TBC1D8: variants seen among roughly 807,000 people sequenced by gnomAD.
TBC1D8 encodes TBC1 domain family member 8, also known as BUB2-like protein 1.
Under a neutral mutation model 118.8 loss-of-function variants are expected in TBC1D8, and 65 were observed. The observed-to-expected ratio is 0.55, with a 90% CI of 0.45 to 0.67. The LOEUF (loss-of-function observed/expected upper bound fraction) is 0.67, where lower values mean the gene tolerates loss of function less well. TBC1D8 is among the 30% of genes least tolerant of loss of function. The pLI, the probability that TBC1D8 is intolerant of heterozygous loss-of-function variation, is 0.00. For synonymous variants in TBC1D8, 566 were observed against 595.8 expected (o/e 0.95, Z 0.73); for missense variants, 1,376 against 1,471.2 (o/e 0.94, Z 1.06).
intron 2 of TBC1D8, among the ~76,000 whole-genome samples, chr2:101,061,631 G>C (rs1250998634): frequency 6.6e-6 from 1 of 152,122 alleles, no homozygotes; most frequent in Non-Finnish European, 1.5e-5. Flanking sequence ...CCTACACCAA[G>C]AGCACTTAGT....
At chr2:101,015,849 T>C (rs1217178844) in intron 17 of TBC1D8, among the ~76,000 whole-genome samples, 5 of 152,108 alleles carry the variant, frequency 3.3e-5, no homozygotes, top group African/African-American at 9.6e-5. Context: ...ATAAATGGTG[T>C]TGGGAAAACT....
chr2:101,023,203 G>A (rs529899123), intron 15 of TBC1D8, among the ~76,000 whole-genome samples: 9 of 148,932 alleles, frequency 6.0e-5, no homozygotes, highest in African/African-American at 2.2e-4. Flanking sequence ...GGAGTGCAGT[G>A]GCGCGATCTC....
At chr2:101,037,739 A>AGAGAG in intron 7 of TBC1D8, 31 bp from the exon 8 acceptor site, 1 of 1,608,498 alleles carries the variant, frequency 6.2e-7, no homozygotes, top group Non-Finnish European at 8.5e-7. Flanking sequence ...AGACAGAGAG[A>AGAGAG]GAGAGGAGAG....
chr2:101,050,676 A>G (rs990367800), intron 4 of TBC1D8, 35 bp from the exon 5 acceptor site: 4 of 1,596,960 alleles, frequency 2.5e-6, no homozygotes, highest in South Asian at 1.1e-5. Context: ...CTATTATGCC[A>G]TGAAATTTGA....
intron 5 of TBC1D8, among the ~76,000 whole-genome samples, chr2:101,044,038 G>A (rs1558648939): frequency 1.3e-5 from 2 of 152,166 alleles, no homozygotes; most frequent in African/African-American, 4.8e-5. Context: ...AGTTCAATCG[G>A]CTTCTCTCTC....
chr2:101,131,659 G>A (rs1678595359), intron 1 of TBC1D8, among the ~76,000 whole-genome samples: 1 of 146,144 alleles, frequency 6.8e-6, no homozygotes, highest in African/African-American at 2.5e-5. Flanking sequence ...CTAAAAATAC[G>A]AAAAAATTAG....
intron 1 of TBC1D8, among the ~76,000 whole-genome samples, chr2:101,095,803 A>G (rs1001308852): frequency 5.9e-5 from 9 of 152,050 alleles, no homozygotes; most frequent in Non-Finnish European, 1.2e-4. Context: ...TTAACTAGAG[A>G]AAGTCTTCTC....
At chr2:101,136,369 T>G (rs1678855073) in intron 1 of TBC1D8, among the ~76,000 whole-genome samples, 1 of 152,184 alleles carries the variant, frequency 6.6e-6, no homozygotes, top group South Asian at 2.1e-4. Flanking sequence ...CCCCTTCACC[T>G]TCCATCATGA....
At chr2:101,049,866 G>A (rs567369853) in intron 5 of TBC1D8, among the ~76,000 whole-genome samples, 172 of 150,248 alleles carry the variant, frequency 1.1e-3, no homozygotes, top group African/African-American at 3.9e-3. Context: ...TTGTTCTGTC[G>A]CCCAGGCTGG....
intron 17 of TBC1D8, among the ~76,000 whole-genome samples, chr2:101,018,545 G>A (rs1447471516): frequency 6.6e-6 from 1 of 152,190 alleles, no homozygotes; most frequent in Non-Finnish European, 1.5e-5. Context: ...AAAGACTGGA[G>A]CAGCTTCAAT....
At chr2:101,098,769 G>A in intron 1 of TBC1D8, among the ~76,000 whole-genome samples, 1 of 151,970 alleles carries the variant, frequency 6.6e-6, no homozygotes, top group East Asian at 1.9e-4. Flanking sequence ...AAGACTCCTG[G>A]GTAAATTATG....
intron 17 of TBC1D8, among the ~76,000 whole-genome samples, chr2:101,012,497 CAGAA>C (rs1424677757): frequency 6.6e-6 from 1 of 152,052 alleles, no homozygotes; most frequent in African/African-American, 2.4e-5. Context: ...TCTACAGAAA[CAGAA>C]AGCTGCCTAC....
At chr2:101,062,704 A>G (rs1682819928) in intron 2 of TBC1D8, among the ~76,000 whole-genome samples, 1 of 152,134 alleles carries the variant, frequency 6.6e-6, no homozygotes, top group African/African-American at 2.4e-5. Context: ...GTTCAGTGGT[A>G]TGATCTTGGC....
intron 1 of TBC1D8, among the ~76,000 whole-genome samples, chr2:101,128,647 A>G (rs1678455905): frequency 6.6e-6 from 1 of 152,256 alleles, no homozygotes. Context: ...ACCTGTTTTC[A>G]CGGCAGCATT....
intron 17 of TBC1D8, among the ~76,000 whole-genome samples, chr2:101,013,773 T>C (rs1284009023): frequency 6.6e-6 from 1 of 152,252 alleles, no homozygotes; most frequent in Non-Finnish European, 1.5e-5. Flanking sequence ...TTCTCTGTAG[T>C]AGAATTCACA....
chr2:101,088,564 G>A (rs1314023769), intron 2 of TBC1D8, among the ~76,000 whole-genome samples: 4 of 152,062 alleles, frequency 2.6e-5, no homozygotes, highest in Non-Finnish European at 5.9e-5. Flanking sequence ...GGGATTACAG[G>A]CGTGAGCCAC....
Position 101,065,003 on chromosome 2 carries a change from G to A in TBC1D8, c.284-5464C>T, listed in dbSNP as rs114823020. On this transcript the variant is annotated intron_variant, in intron 2 of 19. Coordinates refer to ENST00000409318, the MANE Select transcript of TBC1D8 (RefSeq NM_001330348.2). Reference sequence around the variant, plus strand: ...ATCGTCATGGATGGAAGCTCCCAGTGGCTGAGTCACACTGAAACGCACACA... The same window carrying A: ...ATCGTCATGGATGGAAGCTCCCAGTAGCTGAGTCACACTGAAACGCACACA... 5.5e-3 allele frequency among the ~76,000 whole-genome samples: 833 copies of A among 152,294 alleles called. 16 individuals carry two copies. The highest frequency in any genetic ancestry group is 0.019 in the African/African-American group (792 of 41,582).
At chr2:101,094,155 A>C (rs901010559) in intron 1 of TBC1D8, among the ~76,000 whole-genome samples, 11 of 152,154 alleles carry the variant, frequency 7.2e-5, no homozygotes. Context: ...AAGGAAGAGC[A>C]CTGAGCTTTT....
Position 101,040,555 on chromosome 2 carries a change from C to T in TBC1D8, c.873-170G>A, listed in dbSNP as rs147618481. ...TGCGAGCTCAGCTCACTGCAACCTC[C>T]ACCTCCCAGGTTCAAGTGACTGTCC... On this transcript the variant is annotated intron_variant, in intron 5 of 19. Transcript: ENST00000409318. Among the ~76,000 whole-genome samples, 1,519 of 152,338 alleles carry T rather than the reference C, an allele frequency of 1.0e-2. 17 individuals carry two copies. Among genetic ancestry groups the T allele is most frequent in the South Asian group, 0.015 (73 of 4,824 alleles).
Sources: allele counts gnomAD v4.1 joint callset (sites outside exome capture counted in the v4.1 genomes callset), GRCh38; gene constraint gnomAD v4.1.1; transcripts MANE v1.5; gene names NCBI Gene and HGNC (gene_info 2026-07-23, HGNC 2026-07-21).